PCDHA6: variants seen among roughly 807,000 people sequenced by gnomAD.
The protein encoded by PCDHA6 is protocadherin alpha 6, also known as protocadherin alpha-6.
Under a neutral mutation model 60.3 loss-of-function variants are expected in PCDHA6, and 55 were observed. The observed-to-expected ratio is 0.91, with a 90% CI of 0.73 to 1.14. The LOEUF (loss-of-function observed/expected upper bound fraction) is 1.14, where lower values mean the gene tolerates loss of function less well. Among genes scored for constraint, PCDHA6 ranks in the 50% most tolerant of loss-of-function variants. PCDHA6 has a pLI of 0.00. For synonymous variants in PCDHA6, 652 were observed against 557.9 expected, an observed-to-expected ratio of 1.17 and a Z score of -2.38; for missense variants, 1,327 against 1,256.5, an observed-to-expected ratio of 1.06 and a Z score of -0.85.
At chr5:140,917,875 T>TC (rs1459321723) in intron 1 of PCDHA6, among the ~76,000 whole-genome samples, 11 of 152,026 alleles carry the variant, frequency 7.2e-5, no homozygotes, top group Non-Finnish European at 7.4e-5. Context: ...CTATTTGGGC[T>TC]CTTTTTTTTT....
chr5:140,883,658 G>C (rs573544891), intron 1 of PCDHA6: 2 of 1,613,994 alleles, frequency 1.2e-6, no homozygotes, highest in African/African-American at 2.7e-5. Context: ...CACGGTGTTC[G>C]TGAAGGAAAA....
chr5:140,851,635 T>TG lies in PCDHA6; in HGVS notation c.2394+21150_2394+21151insG, dbSNP rs758488624. On this transcript the variant is annotated intron_variant, in intron 1 of 3. Coordinates refer to ENST00000529310, the MANE Select transcript of PCDHA6 (RefSeq NM_018909.4). ...AGAAAATGCTTTTTAAACAAGTGTTTCCTTTCTTCAAGAAGACATTCTCCT... is the reference window on the plus strand; with the variant it reads ...AGAAAATGCTTTTTAAACAAGTGTTTGCCTTTCTTCAAGAAGACATTCTCCT... 201 of 917,124 alleles carry TG rather than the reference T, an allele frequency of 2.2e-4. 10 individuals are homozygous for TG. The highest frequency in any genetic ancestry group is 3.2e-4 in the Admixed American group (5 of 15,868). The allele number at this position is 917,124 out of a possible 1,614,324, so 56.8% of individuals were successfully genotyped here. A position where few individuals can be genotyped will look rare whatever the true frequency, so the allele number is the denominator to read the frequency against.
chr5:140,877,228 G>A, intron 1 of PCDHA6: 2 of 1,613,700 alleles, frequency 1.2e-6, no homozygotes, highest in Non-Finnish European at 1.7e-6. Context: ...GCGGTCGGTG[G>A]GTGCGGGCCA....
chr5:140,920,821 C>T (rs1389717155), intron 1 of PCDHA6, among the ~76,000 whole-genome samples: 11 of 146,336 alleles, frequency 7.5e-5, no homozygotes, highest in South Asian at 2.1e-4. Flanking sequence ...TCCAGCCTGG[C>T]GACGGAGCAA....
intron 1 of PCDHA6, chr5:140,882,591 T>C (rs781883775): frequency 1.2e-6 from 2 of 1,614,116 alleles, no homozygotes; most frequent in South Asian, 2.2e-5. Flanking sequence ...CACCTGGAGG[T>C]GATCGTGGAC....
intron 3 of PCDHA6, among the ~76,000 whole-genome samples, chr5:140,988,417 A>G (rs2097297098): frequency 6.6e-6 from 1 of 152,150 alleles, no homozygotes; most frequent in Non-Finnish European, 1.5e-5. Flanking sequence ...GCTTATGTAA[A>G]GAATTTGTTT....
In PCDHA6 at chr5:140,829,720, G is replaced by C; in HGVS notation, c.1629G>C (p.Pro543=). 6.2e-7 allele frequency: 1 copy of C among 1,613,502 alleles called. No individual in the cohort carries two copies. Among genetic ancestry groups the C allele is most frequent in the Non-Finnish European group, 8.5e-7 (1 of 1,179,872 alleles). The change falls in exon 1 of 4, where the codon CCG becomes CCC. Residue 543 remains proline, a synonymous_variant. Transcript: ENST00000529310. ...FQVSARDAGV[P]PLGSNVTLQV... ...TGAGCGCGCGCGACGCGGGCGTGCC[G>C]CCTCTGGGCAGCAACGTGACGCTGC...
In PCDHA6 at chr5:140,862,815, G is replaced by C. The variant is rs781964079; in HGVS notation, c.2394+32330G>C. 7 of 574,804 alleles carry C rather than the reference G, an allele frequency of 1.2e-5. No individual in the cohort carries two copies. The African/African-American group carries it at 1.3e-4, about 11-fold the overall frequency. The allele number at this position is 574,804 out of a possible 1,614,324, so 35.6% of individuals were successfully genotyped here. A position where few individuals can be genotyped will look rare whatever the true frequency, so the allele number is the denominator to read the frequency against. ...AGGAGCTGGAGCTGCTGCAGTTCTA[G>C]GTGAGAGCGCGCGACGCGGGCATGC... is the stretch of plus-strand genomic sequence containing the variant. On this transcript the variant is annotated intron_variant, in intron 1 of 3. Coordinates refer to ENST00000529310, the MANE Select transcript of PCDHA6 (RefSeq NM_018909.4).
chr5:140,958,135 G>A (rs868969031), intron 1 of PCDHA6, among the ~76,000 whole-genome samples: 1 of 152,036 alleles, frequency 6.6e-6, no homozygotes, highest in Non-Finnish European at 1.5e-5. Flanking sequence ...GTATCAGTGT[G>A]TATATTTATA....
chr5:140,981,726 T>C (rs1554243283), intron 2 of PCDHA6, among the ~76,000 whole-genome samples: 1 of 151,710 alleles, frequency 6.6e-6, no homozygotes, highest in Non-Finnish European at 1.5e-5. Context: ...CCAACAAATA[T>C]TTGAGAGATT....
chr5:140,966,726 C>T, intron 1 of PCDHA6: 3 of 1,402,206 alleles, frequency 2.1e-6, no homozygotes, highest in Non-Finnish European at 1.8e-6. Flanking sequence ...GAAGCTGCCG[C>T]CTCCGGCCCT....
intron 3 of PCDHA6, among the ~76,000 whole-genome samples, chr5:141,002,937 C>T (rs2098103358): frequency 6.6e-6 from 1 of 152,232 alleles, no homozygotes; most frequent in Non-Finnish European, 1.5e-5. Context: ...CCAACACCCT[C>T]CAGCACATGC....
intron 1 of PCDHA6, among the ~76,000 whole-genome samples, chr5:140,908,155 G>T (rs559304647): frequency 2.0e-5 from 3 of 152,194 alleles, no homozygotes; most frequent in African/African-American, 4.8e-5. Flanking sequence ...TCCTAGGAAG[G>T]GGCTGTAGTG....
intron 1 of PCDHA6, chr5:140,836,577 T>A: frequency 6.2e-7 from 1 of 1,613,654 alleles, no homozygotes; most frequent in East Asian, 2.2e-5. Context: ...TGAGGGCGCA[T>A]GTAGTTTGGT....
intron 1 of PCDHA6, among the ~76,000 whole-genome samples, chr5:140,921,468 C>T (rs886501347): frequency 3.3e-5 from 5 of 152,182 alleles, no homozygotes; most frequent in African/African-American, 1.2e-4. Flanking sequence ...GCAACCACTA[C>T]CAAACCACTC....
In PCDHA6 at chr5:141,010,994, G is replaced by A. The variant is rs1338532762; in HGVS notation, c.*1057G>A. ...TTTAAGAGAATTGCCTGAAACATCTGTATTATATCGGCCACCTGCCAATCA... is the reference window on the plus strand; with the variant it reads ...TTTAAGAGAATTGCCTGAAACATCTATATTATATCGGCCACCTGCCAATCA... On this transcript the variant is annotated 3_prime_UTR_variant, in exon 4 of 4. Transcript: ENST00000529310. The A allele has an allele frequency of 6.5e-6, 1 of 153,710 alleles. No homozygotes were observed. The highest frequency in any genetic ancestry group is 1.5e-5 in the Non-Finnish European group (1 of 68,046). The allele number at this position is 153,710 out of a possible 1,614,324, so 9.5% of individuals were successfully genotyped here.
chr5:140,955,215 C>A (rs1313314138), intron 1 of PCDHA6, among the ~76,000 whole-genome samples: 1 of 152,148 alleles, frequency 6.6e-6, no homozygotes, highest in Non-Finnish European at 1.5e-5. Flanking sequence ...TAGCATGATG[C>A]CTCCAGCTTT....
rs781807025 is a variant in PCDHA6, at chr5:140,872,165, CTT to C, written c.2394+41691_2394+41692del. Among the ~76,000 whole-genome samples the C allele has an allele frequency of 5.6e-3, 809 of 144,322 alleles. 4 individuals are homozygous for C. Among genetic ancestry groups the C allele is most frequent in the Middle Eastern group, 0.014 (4 of 276 alleles). 94.7% of individuals were successfully genotyped at this position (144,322 alleles called of 152,430 possible). On this transcript the variant is annotated intron_variant, in intron 1 of 3. Transcript: ENST00000529310. The stretch of plus-strand genomic sequence containing the variant: ...CATTAGTATGACATGATTTACTTTT[CTT>C]TTTTTTTTTTACAGTGTTAAACGTT...
Position 140,875,145 on chromosome 5 carries a change from T to A in PCDHA6, c.2394+44660T>A, listed in dbSNP as rs191347942. On this transcript the variant is annotated intron_variant, in intron 1 of 3. Coordinates refer to ENST00000529310, the MANE Select transcript of PCDHA6 (RefSeq NM_018909.4). ...TAACTAAACCCGCATTTATAAATGA[T>A]CCGTGAAAAATAACCCAAAGTCGAA... Among the ~76,000 whole-genome samples the A allele has an allele frequency of 3.1e-3, 468 of 152,306 alleles. 3 individuals are homozygous for A. The highest frequency in any genetic ancestry group is 0.014 in the Middle Eastern group (4 of 294).
Sources: allele counts gnomAD v4.1 joint callset (sites outside exome capture counted in the v4.1 genomes callset), GRCh38; gene constraint gnomAD v4.1.1; transcripts MANE v1.5; gene names NCBI Gene and HGNC (gene_info 2026-07-23, HGNC 2026-07-21).